The following MACROD2 variants were observed in gnomAD, a reference collection of about 807,000 sequenced individuals.
MACROD2 encodes the protein mono-ADP ribosylhydrolase 2.
MACROD2 carries 36 observed loss-of-function variants against 70.4 expected under a neutral mutation model. The observed-to-expected ratio is 0.51, with a 90% confidence interval of 0.39 to 0.68. The LOEUF (loss-of-function observed/expected upper bound fraction) is 0.68, where lower values mean the gene tolerates loss of function less well. Among genes scored for constraint, MACROD2 ranks in the 30% least tolerant of loss-of-function variants. The pLI is 0.00. For synonymous variants in MACROD2, 172 were observed against 178.8 expected (o/e 0.96, Z 0.30); for missense variants, 496 against 538.4 (o/e 0.92, Z 0.78).
rs529657343 is a variant in MACROD2, at chr20:15,615,788, G to A, written c.645+115941G>A. On this transcript the variant is annotated intron_variant, in intron 8 of 17. Transcript: ENST00000684519. Reference sequence around the variant, plus strand: ...GATGACAGTTGCAAAATTAGAAATCGGACTCGGGGAAGAAGGCAGGGAGGT... The same window carrying A: ...GATGACAGTTGCAAAATTAGAAATCAGACTCGGGGAAGAAGGCAGGGAGGT... Among the ~76,000 whole-genome samples the A allele has an allele frequency of 6.6e-5, 10 of 152,194 alleles. No homozygotes were observed. In the East Asian group the frequency reaches 1.2e-3, roughly 18 times the overall value.
At chr20:16,048,142 A>G (rs934554297) in intron 17 of MACROD2, among the ~76,000 whole-genome samples, 8 of 152,204 alleles carry the variant, frequency 5.3e-5, no homozygotes, top group Admixed American at 2.0e-4. Flanking sequence ...ACCCCATGGA[A>G]TTTCTGCAAA....
intron 8 of MACROD2, among the ~76,000 whole-genome samples, chr20:15,671,568 A>G (rs979794250): frequency 5.9e-5 from 9 of 152,212 alleles, no homozygotes; most frequent in African/African-American, 2.2e-4. Context: ...AATGGAAAAA[A>G]GTTTGAAAAT....
intron 11 of MACROD2, among the ~76,000 whole-genome samples, chr20:15,935,933 G>T (rs1030824937): frequency 6.6e-6 from 1 of 152,134 alleles, no homozygotes; most frequent in Admixed American, 6.6e-5. Context: ...CTGAGGAAGT[G>T]ATAGTTAAAA....
intron 5 of MACROD2, among the ~76,000 whole-genome samples, chr20:15,110,575 G>T (rs1333496162): frequency 6.6e-6 from 1 of 152,162 alleles, no homozygotes; most frequent in Admixed American, 6.5e-5. Context: ...TGTGAATACT[G>T]GGCTATTTAT....
intron 5 of MACROD2, among the ~76,000 whole-genome samples, chr20:15,010,185 C>T (rs545495639): frequency 6.6e-6 from 1 of 152,110 alleles, no homozygotes; most frequent in African/African-American, 2.4e-5. Flanking sequence ...AATTATTTGT[C>T]GGACTAAATA....
intron 5 of MACROD2, among the ~76,000 whole-genome samples, chr20:15,201,612 G>A (rs2076656826): frequency 6.6e-6 from 1 of 152,162 alleles, no homozygotes; most frequent in Non-Finnish European, 1.5e-5. Context: ...TTTCTCCTAG[G>A]AAACAACACT....
Position 14,078,622 on chromosome 20 carries a change from G to A in MACROD2, c.164-6999G>A, listed in dbSNP as rs140135857. On this transcript the variant is annotated intron_variant, in intron 2 of 17. Coordinates refer to ENST00000684519, the MANE Select transcript of MACROD2 (RefSeq NM_001351661.2). ...GGGGTTTCACCATGTTGACCAGGCCGGTCTCGAACTCCTGACGTCAGGTGA... is the reference window on the plus strand; with the variant it reads ...GGGGTTTCACCATGTTGACCAGGCCAGTCTCGAACTCCTGACGTCAGGTGA... Among the ~76,000 whole-genome samples the A allele has an allele frequency of 6.3e-3, 954 of 152,028 alleles. 14 individuals carry two copies. Among genetic ancestry groups the A allele is most frequent in the African/African-American group, 0.022 (902 of 41,452 alleles).
chr20:15,694,973 G>A (rs887584312), intron 8 of MACROD2, among the ~76,000 whole-genome samples: 2 of 152,134 alleles, frequency 1.3e-5, no homozygotes, highest in Admixed American at 1.3e-4. Context: ...GTTGAAAAGG[G>A]TGTCCTTTCC....
intron 8 of MACROD2, among the ~76,000 whole-genome samples, chr20:15,502,326 A>C (rs995734243): frequency 6.6e-6 from 1 of 152,206 alleles, no homozygotes; most frequent in Non-Finnish European, 1.5e-5. Flanking sequence ...AGCCTGGAAG[A>C]GAGAATGAGC....
chr20:14,750,175 A>C (rs1235867412), intron 5 of MACROD2, among the ~76,000 whole-genome samples: 1 of 152,132 alleles, frequency 6.6e-6, no homozygotes, highest in Non-Finnish European at 1.5e-5. Context: ...TTAATTGTAT[A>C]TCTTACAAAA....
chr20:14,498,098 C>A (rs921017011), intron 4 of MACROD2, among the ~76,000 whole-genome samples: 1 of 151,656 alleles, frequency 6.6e-6, no homozygotes, highest in African/African-American at 2.4e-5. Context: ...AGAGAGGATT[C>A]ATTATGCTTG....
chr20:14,234,020 A>T, intron 3 of MACROD2, among the ~76,000 whole-genome samples: 1 of 152,200 alleles, frequency 6.6e-6, no homozygotes, highest in East Asian at 1.9e-4. Context: ...GAGCTGTACA[A>T]GAATGAACCC....
chr20:15,948,701 A>G (rs975314897), intron 12 of MACROD2, among the ~76,000 whole-genome samples: 3 of 152,178 alleles, frequency 2.0e-5, no homozygotes, highest in Non-Finnish European at 4.4e-5. Flanking sequence ...ACTATTTAAT[A>G]TAGTTTAAAA....
At chr20:14,906,194 T>C (rs1487048809) in intron 5 of MACROD2, among the ~76,000 whole-genome samples, 1 of 152,178 alleles carries the variant, frequency 6.6e-6, no homozygotes, top group Non-Finnish European at 1.5e-5. Flanking sequence ...GTTATATATG[T>C]ACTTTTTTCA....
At chr20:14,146,332 A>G (rs909133853) in intron 3 of MACROD2, among the ~76,000 whole-genome samples, 15 of 152,212 alleles carry the variant, frequency 9.9e-5, no homozygotes, top group Admixed American at 3.3e-4. Context: ...GAAAAAAAAA[A>G]CAAAAAACAA....
intron 8 of MACROD2, among the ~76,000 whole-genome samples, chr20:15,526,558 T>TAGAC (rs1327744980): frequency 6.6e-6 from 1 of 152,072 alleles, no homozygotes; most frequent in Non-Finnish European, 1.5e-5. Flanking sequence ...CAAGAATGAG[T>TAGAC]AGACAGGATA....
At chr20:14,181,641 T>C (rs79035923) in intron 3 of MACROD2, among the ~76,000 whole-genome samples, 2,385 of 152,092 alleles carry the variant, frequency 0.016, 59 homozygotes, top group African/African-American at 0.053. Flanking sequence ...TCACATCCCA[T>C]TTCCCCTCCT....
chr20:15,899,182 A>T (rs569741488), intron 10 of MACROD2, among the ~76,000 whole-genome samples: 1 of 152,154 alleles, frequency 6.6e-6, no homozygotes, highest in Non-Finnish European at 1.5e-5. Flanking sequence ...ATGTATATGT[A>T]TGTATGCATC....
At chr20:14,792,905 G>A (rs568633886) in intron 5 of MACROD2, among the ~76,000 whole-genome samples, 1 of 152,066 alleles carries the variant, frequency 6.6e-6, no homozygotes, top group East Asian at 1.9e-4. Flanking sequence ...ATTTACCAAT[G>A]CAAATATTTA....
Sources: allele counts gnomAD v4.1 joint callset (sites outside exome capture counted in the v4.1 genomes callset), GRCh38; gene constraint gnomAD v4.1.1; transcripts MANE v1.5; gene names NCBI Gene and HGNC (gene_info 2026-07-23, HGNC 2026-07-21).